The following LAMP2 variants were observed in gnomAD, a reference collection of about 807,000 sequenced individuals.
LAMP2 encodes the protein lysosome associated membrane protein 2.
Under a neutral mutation model 25.6 loss-of-function variants are expected in LAMP2, and 4 were observed. That is an observed-to-expected ratio of 0.16 (90% CI 0.08 to 0.36). LAMP2 has a LOEUF of 0.36. Ranked by LOEUF, LAMP2 falls within the 10% of genes least tolerant of loss-of-function variation. The pLI is 1.00. For synonymous variants in LAMP2, 108 were observed against 112.7 expected (o/e 0.96, Z 0.27); for missense variants, 272 against 301.4 (o/e 0.90, Z 0.72).
At chrX:120,445,044 G>C (rs1271906269) in intron 6 of LAMP2, among the ~76,000 whole-genome samples, 2 of 112,251 alleles carry the variant, frequency 1.8e-5, no homozygotes, top group African/African-American at 3.2e-5. Context: ...TAAGAGTCAA[G>C]AGAAATCATG....
At chrX:120,462,519 CAA>C (rs199797977) in intron 1 of LAMP2, among the ~76,000 whole-genome samples, 2 of 61,563 alleles carry the variant, frequency 3.2e-5, no homozygotes. Context: ...AAGACCCTGT[CAA>C]AAAAAAAAAA....
chrX:120,458,033 T>C (rs140106048), intron 1 of LAMP2, among the ~76,000 whole-genome samples: 1,541 of 112,002 alleles, frequency 0.014, 33 homozygotes, highest in African/African-American at 0.047. Flanking sequence ...CTAAATGCAT[T>C]GGCTAAGGCT....
intron 3 of LAMP2, among the ~76,000 whole-genome samples, chrX:120,451,283 T>C (rs1369342127): frequency 8.9e-6 from 1 of 112,207 alleles, no homozygotes; most frequent in Non-Finnish European, 1.9e-5. Context: ...TCAATGTTAC[T>C]TCAGTTATCA....
rs752538154 is a variant in LAMP2, at chrX:120,450,267, T to C, written c.398-1139A>G. On this transcript the variant is annotated intron_variant, in intron 3 of 8. Transcript: ENST00000200639. Reference sequence around the variant, plus strand: ...ATGATCACCCAAGTGGTTTGGCTTCTTTTGGAGAAGTAGCAAGAAAGGAAA... The same window carrying C: ...ATGATCACCCAAGTGGTTTGGCTTCCTTTGGAGAAGTAGCAAGAAAGGAAA... 8.0e-5 allele frequency among the ~76,000 whole-genome samples: 9 copies of C among 112,108 alleles called. No individual in the cohort carries two copies. In the East Asian group the frequency reaches 2.5e-3, roughly 31 times the overall value.
intron 3 of LAMP2, among the ~76,000 whole-genome samples, chrX:120,452,574 G>GTC (rs35651584): frequency 5.6e-5 from 6 of 107,010 alleles, no homozygotes; most frequent in Non-Finnish European, 7.7e-5. Context: ...TTGAGACAGG[G>GTC]TCTCTCTCTC....
At chrX:120,439,466 T>C (rs1260488845) in intron 8 of LAMP2, among the ~76,000 whole-genome samples, 1 of 110,319 alleles carries the variant, frequency 9.1e-6, no homozygotes, top group Non-Finnish European at 1.9e-5. Context: ...TGTTCTAGAA[T>C]TAAAATTCTA....
intron 8 of LAMP2, 124 bp downstream of exon 8, chrX:120,441,606 C>T (rs2058572217): frequency 1.8e-6 from 1 of 554,886 alleles, no homozygotes; most frequent in Middle Eastern, 5.0e-4. Context: ...TAGAGTTGCA[C>T]AATTTGGTCA....
At position 120,429,373 on chromosome X, in the gene LAMP2, T is replaced by A; in HGVS notation, c.*1950A>T. The A allele has an allele frequency of 1.7e-6, 1 of 593,438 alleles. No individual in the cohort carries two copies. Among genetic ancestry groups the A allele is most frequent in the Non-Finnish European group, 2.0e-6 (1 of 494,715 alleles). 48.9% of individuals were successfully genotyped at this position (593,438 alleles called of 1,213,427 possible). On this transcript the variant is annotated 3_prime_UTR_variant, in exon 9 of 9. Coordinates refer to ENST00000200639, the MANE Select transcript of LAMP2 (RefSeq NM_002294.3). Reference sequence around the variant, plus strand: ...GCCAAAGGACCTTGGGCAAGTTATTTAAACTGGGCCTCACTTTCCTCATCT... The same window carrying A: ...GCCAAAGGACCTTGGGCAAGTTATTAAAACTGGGCCTCACTTTCCTCATCT...
intron 1 of LAMP2, among the ~76,000 whole-genome samples, chrX:120,468,064 C>T (rs375905953): frequency 8.3e-4 from 93 of 111,957 alleles, no homozygotes; most frequent in African/African-American, 2.8e-3. Flanking sequence ...CGCCCGGCCC[C>T]ATCCAGCCAT....
Position 120,441,756 on chromosome X carries a change from T to C in LAMP2, c.1067A>G (p.Asn356Ser), listed in dbSNP as rs775416221. The change falls in exon 8 of 9, where the codon AAT (asparagine) becomes AGT (serine). Residue 356 changes from asparagine to serine, a missense_variant. By Grantham distance (46) the Asn-to-Ser change is conservative (BLOSUM62 1). Coordinates refer to ENST00000200639, the MANE Select transcript of LAMP2 (RefSeq NM_002294.3). ...NTFDLRVQPF[N>S]VTQGKYSTAQ... ...TGTAGAATACTTTCCTTGTGTCACA[T>C]TGAAAGGCTGAACCCTTAGATCAAA... The C allele has an allele frequency of 1.1e-5, 13 of 1,206,355 alleles. No individual in the cohort carries two copies. In the Admixed American group the frequency reaches 1.1e-4, roughly 10 times the overall value.
Position 120,427,580 on chromosome X carries a change from A to G in LAMP2, c.*3743T>C, listed in dbSNP as rs1333634473. Reference sequence around the variant, plus strand: ...GAAAAAAGAAATCAATATATTAAAAATATCAACTAGAGCATATTCACATAG... The same window carrying G: ...GAAAAAAGAAATCAATATATTAAAAGTATCAACTAGAGCATATTCACATAG... On this transcript the variant is annotated 3_prime_UTR_variant, in exon 9 of 9. Coordinates refer to ENST00000200639, the MANE Select transcript of LAMP2 (RefSeq NM_002294.3). Among the ~76,000 whole-genome samples the G allele has an allele frequency of 1.8e-5, 2 of 112,270 alleles. No individual in the cohort carries two copies. The highest frequency in any genetic ancestry group is 6.5e-5 in the African/African-American group (2 of 30,908).
intron 8 of LAMP2, among the ~76,000 whole-genome samples, chrX:120,440,093 G>A (rs1485706355): frequency 8.9e-6 from 1 of 112,287 alleles, no homozygotes; most frequent in Admixed American, 9.4e-5. Flanking sequence ...ACAGTCATCT[G>A]TTTATGTGTT....
At position 120,441,837 on chromosome X, in the gene LAMP2, T is replaced by A; in HGVS notation, c.986A>T (p.Tyr329Phe). The change falls in exon 8 of 9, where the codon TAT (tyrosine) becomes TTT (phenylalanine). Residue 329 changes from tyrosine to phenylalanine, a missense_variant. Physicochemically the swap from Tyr to Phe is conservative, Grantham distance 22. Coordinates refer to ENST00000200639, the MANE Select transcript of LAMP2 (RefSeq NM_002294.3). ...SYWDAPLGSS[Y>F]MCNKEQTVSV... is the part of the protein sequence containing the mutation. Reference sequence around the variant, plus strand: ...AACAGTCTGCTCTTTGTTGCACATATAAGAACTTCCCAGGGGGGCATCCCA... The same window carrying A: ...AACAGTCTGCTCTTTGTTGCACATAAAAGAACTTCCCAGGGGGGCATCCCA... 1 of 1,209,724 alleles carries A rather than the reference T, an allele frequency of 8.3e-7. No homozygotes were observed. The highest frequency in any genetic ancestry group is 1.1e-6 in the Non-Finnish European group (1 of 893,400).
intron 8 of LAMP2, chrX:120,437,499 T>C (rs1358186768): frequency 1.3e-6 from 1 of 749,813 alleles, no homozygotes; most frequent in East Asian, 1.5e-4. Context: ...TGCTCAGCCA[T>C]TCCAACACAC....
rs2147286887 is a variant in LAMP2 at position 120,455,503 on chromosome X, T to C, written c.251A>G (p.Asn84Ser). 1 of 1,210,653 alleles carries C rather than the reference T, an allele frequency of 8.3e-7. No homozygotes were observed. The highest frequency in any genetic ancestry group is 1.1e-6 in the Non-Finnish European group (1 of 894,666). ...YNGSICGDDQNGPKIAVQFGP... is the reference protein window; with the variant it reads ...YNGSICGDDQSGPKIAVQFGP... ...GAACTGCACTGCTATTTTGGGACCATTCTGATCATCCCCACAAATGCTTCC... is the reference window on the plus strand; with the variant it reads ...GAACTGCACTGCTATTTTGGGACCACTCTGATCATCCCCACAAATGCTTCC... Residue 84 changes from asparagine (N) to serine (S), a missense_variant, in exon 3 of 9, where the codon AAT becomes AGT. Coordinates refer to ENST00000200639, the MANE Select transcript of LAMP2 (RefSeq NM_002294.3).
chrX:120,456,557 A>T, intron 2 of LAMP2, 94 bp downstream of exon 2: 1 of 452,450 alleles, frequency 2.2e-6, no homozygotes, highest in Admixed American at 3.8e-5. Context: ...TAAGTCAGTC[A>T]ACGTGGAATT....
At chrX:120,447,474 C>T (rs1034246320) in intron 5 of LAMP2, among the ~76,000 whole-genome samples, 32 of 109,988 alleles carry the variant, frequency 2.9e-4, no homozygotes, top group Non-Finnish European at 3.4e-4. Flanking sequence ...TTTGGGAGGC[C>T]GAGACGGGCG....
At chrX:120,446,530 A>G in intron 5 of LAMP2, 103 bp from the exon 6 acceptor site, 1 of 909,529 alleles carries the variant, frequency 1.1e-6, no homozygotes, top group Non-Finnish European at 1.6e-6. Flanking sequence ...TAGAACAAAA[A>G]ATCTTTTGTC....
rs765039266 is a variant in LAMP2 at position 120,456,807 on chromosome X, C to G, written c.65-38G>C. The G allele has an allele frequency of 1.3e-5, 10 of 787,174 alleles. No homozygotes were observed. In the South Asian group the frequency reaches 2.5e-4, roughly 19 times the overall value. The allele number at this position is 787,174 out of a possible 1,213,427, so 64.9% of individuals were successfully genotyped here. On this transcript the variant is annotated intron_variant, in intron 1 of 8. Coordinates refer to ENST00000200639, the MANE Select transcript of LAMP2 (RefSeq NM_002294.3). ...AAAAAAATAATATTTTAAAATTGTA[C>G]TACAAAAATTATATAAATTAAAAAC... is the stretch of plus-strand genomic sequence containing the variant.
Sources: allele counts gnomAD v4.1 joint callset (sites outside exome capture counted in the v4.1 genomes callset), GRCh38; gene constraint gnomAD v4.1.1; transcripts MANE v1.5; gene names NCBI Gene and HGNC (gene_info 2026-07-23, HGNC 2026-07-21).